The following CYB5R2 variants were observed in gnomAD, a reference collection of about 807,000 sequenced individuals.
CYB5R2 encodes NADH-cytochrome b5 reductase 2.
In CYB5R2, 35 loss-of-function variants were observed where a neutral mutation model predicts 29.8. That is an observed-to-expected ratio of 1.17 (90% CI 0.90 to 1.56). The LOEUF (loss-of-function observed/expected upper bound fraction) is 1.56, where lower values mean the gene tolerates loss of function less well. CYB5R2 is among the 40% of genes most tolerant of loss of function. The pLI is 0.00. For missense variants in CYB5R2, 419 were observed against 346.7 expected (o/e 1.21, Z -1.66); for synonymous variants, 169 against 130.6 (o/e 1.29, Z -2.01).
At chr11:7,671,792 C>T (rs1249934416) in intron 3 of CYB5R2, 2 of 152,318 alleles carry the variant, frequency 1.3e-5, no homozygotes, top group Non-Finnish European at 2.9e-5. Flanking sequence ...TGCACTAAGA[C>T]TGACTCAGCT....
chr11:7,666,599 T>C, intron 7 of CYB5R2, 49 bp from the exon 8 acceptor site: 1 of 1,340,884 alleles, frequency 7.5e-7, no homozygotes, highest in South Asian at 1.2e-5. Context: ...CATCCTCTTG[T>C]TCCCTGGACT....
Position 7,665,789 on chromosome 11 carries a change from T to C in CYB5R2, c.659-243A>G, listed in dbSNP as rs944047040. 2.0e-5 allele frequency: 29 copies of C among 1,473,594 alleles called. No homozygotes were observed. The East Asian group carries it at 5.2e-4, about 26-fold the overall frequency. 91.3% of individuals were successfully genotyped at this position (1,473,594 alleles called of 1,614,324 possible). ...AAGCCCTGCTGCTGTCTGTCAGCTG[T>C]CAGCATTGACGAGGAAGGAGAACAC... On this transcript the variant is annotated intron_variant, in intron 8 of 8. Transcript: ENST00000299498.
intron 1 of CYB5R2, 79 bp downstream of exon 1, chr11:7,673,340 A>C (rs1855877585): frequency 9.7e-7 from 1 of 1,029,470 alleles, no homozygotes; most frequent in Non-Finnish European, 1.2e-6. Context: ...GGACTCCCCA[A>C]CAGTCTCCTG....
At chr11:7,665,917 A>G (rs1013764520) in intron 8 of CYB5R2, 31 of 1,535,964 alleles carry the variant, frequency 2.0e-5, no homozygotes, top group Non-Finnish European at 2.6e-5. Flanking sequence ...TCAGTAGGGT[A>G]GCGCCCTCTG....
At chr11:7,668,756 G>C (rs1025770686) in intron 5 of CYB5R2, 195 bp from the exon 6 acceptor site, 2 of 622,336 alleles carry the variant, frequency 3.2e-6, no homozygotes, top group African/African-American at 3.7e-5. Context: ...TGGGAATAGA[G>C]CCTGGGCTTG....
At chr11:7,670,787 C>A (rs141429221) in intron 3 of CYB5R2, 2 of 152,310 alleles carry the variant, frequency 1.3e-5, no homozygotes, top group East Asian at 3.9e-4. Flanking sequence ...GTGGCAGGGA[C>A]AGGAGTGCAA....
chr11:7,671,819 G>C (rs1259854698), intron 3 of CYB5R2: 1 of 152,386 alleles, frequency 6.6e-6, no homozygotes, highest in African/African-American at 2.4e-5. Flanking sequence ...TGGTGTTACA[G>C]ATTAGAAATG....
chr11:7,666,692 G>C, intron 7 of CYB5R2, 142 bp from the exon 8 acceptor site: 1 of 573,738 alleles, frequency 1.7e-6, no homozygotes, highest in South Asian at 2.2e-5. Flanking sequence ...CGGCAAACAA[G>C]AGTTCTGCTG....
At chr11:7,669,051 G>T in intron 5 of CYB5R2, 154 bp downstream of exon 5, 1 of 940,966 alleles carries the variant, frequency 1.1e-6, no homozygotes, top group Non-Finnish European at 1.7e-6. Context: ...GTGTGTGAAT[G>T]TGTAACAAGT....
chr11:7,666,489 T>C lies in CYB5R2; in HGVS notation c.620A>G (p.Gln207Arg). ...GTCCAGGGTGTACCACAGGTTGAAC[T>C]GGTCTGGGTGAGTCCTGGCAATTTC... ...LEEIARTHPD[Q>R]FNLWYTLDRP... The change falls in exon 8 of 9, where the codon CAG becomes CGG. Residue 207 changes from glutamine (Q) to arginine (R), a missense_variant. Gln to Arg is a conservative substitution (Grantham distance 43, BLOSUM62 1). Coordinates refer to ENST00000299498, the MANE Select transcript of CYB5R2 (RefSeq NM_016229.5). 1 of 1,613,524 alleles carries C rather than the reference T, an allele frequency of 6.2e-7. No homozygotes were observed. The highest frequency in any genetic ancestry group is 1.1e-5 in the South Asian group (1 of 91,066).
chr11:7,674,098 G>C (rs902631405), upstream of CYB5R2: 2 of 1,197,218 alleles, frequency 1.7e-6, no homozygotes, highest in Non-Finnish European at 2.1e-6. Flanking sequence ...CACACTGAGC[G>C]CCCCTCAGCT....
upstream of CYB5R2, chr11:7,674,232 G>A (rs185404782): frequency 1.8e-3 from 2,306 of 1,287,446 alleles, 47 homozygotes; most frequent in African/African-American, 0.032. Context: ...ATACCTCATG[G>A]GCGCCTACCC....
intron 2 of CYB5R2, 106 bp downstream of exon 2, chr11:7,672,642 A>ACACACACACC: frequency 6.8e-7 from 1 of 1,471,028 alleles, no homozygotes; most frequent in Non-Finnish European, 9.4e-7. Context: ...ACACACACAC[A>ACACACACACC]GGGCGGCGGG....
At chr11:7,669,550 G>A (rs969020347) in intron 4 of CYB5R2, 75 bp downstream of exon 4, 15 of 1,304,708 alleles carry the variant, frequency 1.1e-5, no homozygotes, top group Non-Finnish European at 1.6e-5. Context: ...CAGAGAAAAA[G>A]CACTGCCCCT....
At chr11:7,668,934 C>A in intron 5 of CYB5R2, 1 of 615,018 alleles carries the variant, frequency 1.6e-6, no homozygotes, top group Non-Finnish European at 3.0e-6. Context: ...TCAGTATTAG[C>A]AGGCACCATT....
intron 3 of CYB5R2, chr11:7,671,247 T>A (rs1312006032): frequency 1.3e-5 from 2 of 152,314 alleles, no homozygotes; most frequent in Non-Finnish European, 2.9e-5. Flanking sequence ...CACCTAGGCC[T>A]GGCCTGAGGG....
At chr11:7,672,370 G>A in intron 3 of CYB5R2, 81 bp downstream of exon 3, 1 of 1,274,014 alleles carries the variant, frequency 7.8e-7, no homozygotes, top group Non-Finnish European at 1.1e-6. Flanking sequence ...CTCAGGACGT[G>A]GGAAACCTGT....
chr11:7,667,948 G>A (rs554992441), intron 6 of CYB5R2, 135 bp from the exon 7 acceptor site: 4 of 704,822 alleles, frequency 5.7e-6, no homozygotes, highest in Non-Finnish European at 7.5e-6. Context: ...CTCAAAGCAG[G>A]AAACAGCCCT....
chr11:7,667,654 G>T (rs1590868506), intron 7 of CYB5R2, 74 bp downstream of exon 7: 3 of 1,365,318 alleles, frequency 2.2e-6, no homozygotes, highest in Admixed American at 1.7e-5. Flanking sequence ...CTCAGTCAAT[G>T]CAGGAGAAAT....
Sources: allele counts gnomAD v4.1 joint callset, GRCh38; gene constraint gnomAD v4.1.1; transcripts MANE v1.5; gene names NCBI Gene and HGNC (gene_info 2026-07-23, HGNC 2026-07-21).